The following PKP4 variants were observed in gnomAD, a reference collection of about 807,000 sequenced individuals.
The protein encoded by PKP4 is plakophilin-4.
A neutral mutation model predicts 145.1 loss-of-function variants in PKP4; 90 were observed. The ratio of observed to expected loss-of-function variants is 0.62; its 90% CI spans 0.52 to 0.74. The LOEUF is 0.74. PKP4 is among the 30% of genes least tolerant of loss of function. The probability of loss-of-function intolerance (pLI) is 0.00; values close to 1 mark genes in which losing one functional copy is unlikely to be tolerated. For synonymous variants in PKP4, 563 were observed against 577.2 expected (o/e 0.98, Z 0.35); for missense variants, 1,340 against 1,482.7 (o/e 0.90, Z 1.58).
intron 9 of PKP4, among the ~76,000 whole-genome samples, chr2:158,638,219 A>G (rs1233806117): frequency 6.6e-6 from 1 of 152,224 alleles, no homozygotes; most frequent in African/African-American, 2.4e-5. Flanking sequence ...GAATTCATCT[A>G]TTTAGAATAG....
intron 1 of PKP4, among the ~76,000 whole-genome samples, chr2:158,525,698 G>A (rs1215288017): frequency 7.0e-6 from 1 of 143,138 alleles, no homozygotes; most frequent in African/African-American, 2.6e-5. Context: ...TCCAGGAGCT[G>A]GTTTTTTGAA....
At chr2:158,644,936 C>T (rs994109249) in intron 11 of PKP4, among the ~76,000 whole-genome samples, 4 of 152,104 alleles carry the variant, frequency 2.6e-5, no homozygotes, top group Non-Finnish European at 5.9e-5. Context: ...AACAACATTT[C>T]TTCAAAATTA....
intron 2 of PKP4, among the ~76,000 whole-genome samples, chr2:158,564,808 C>G (rs987657130): frequency 2.0e-5 from 3 of 152,176 alleles, no homozygotes; most frequent in Non-Finnish European, 4.4e-5. Context: ...CTCTACTTAA[C>G]AACAGCAGTA....
At chr2:158,640,049 G>C (rs1413164281) in intron 9 of PKP4, among the ~76,000 whole-genome samples, 1 of 152,140 alleles carries the variant, frequency 6.6e-6, no homozygotes, top group Non-Finnish European at 1.5e-5. Flanking sequence ...CACATATATA[G>C]AAAAACAGGA....
intron 1 of PKP4, among the ~76,000 whole-genome samples, chr2:158,485,478 T>C (rs570281887): frequency 7.2e-5 from 11 of 152,354 alleles, no homozygotes; most frequent in Admixed American, 2.6e-4. Context: ...CTGTTCATAA[T>C]TTCATATTTG....
chr2:158,585,102 A>T (rs1272861018), intron 3 of PKP4, among the ~76,000 whole-genome samples: 2 of 152,148 alleles, frequency 1.3e-5, no homozygotes, highest in African/African-American at 2.4e-5. Flanking sequence ...TTAGATTTTC[A>T]TTTTCGCTTT....
At chr2:158,509,084 C>G (rs148627732) in intron 1 of PKP4, among the ~76,000 whole-genome samples, 110 of 152,064 alleles carry the variant, frequency 7.2e-4, no homozygotes, top group African/African-American at 2.5e-3. Flanking sequence ...CCCACCCCCA[C>G]CAAAAATTAA....
At chr2:158,611,421 A>T (rs1373448264) in intron 4 of PKP4, among the ~76,000 whole-genome samples, 1 of 152,246 alleles carries the variant, frequency 6.6e-6, no homozygotes, top group East Asian at 1.9e-4. Flanking sequence ...ATGTATAGAT[A>T]CAAGTTTCTT....
intron 1 of PKP4, among the ~76,000 whole-genome samples, chr2:158,506,584 G>T (rs1185529296): frequency 4.9e-4 from 75 of 152,172 alleles, no homozygotes; most frequent in Admixed American, 4.9e-3. Flanking sequence ...TGGTACAAGG[G>T]CTTCTTTGGT....
chr2:158,544,435 A>T (rs534622172), intron 2 of PKP4, among the ~76,000 whole-genome samples: 2 of 152,298 alleles, frequency 1.3e-5, no homozygotes, highest in South Asian at 4.1e-4. Flanking sequence ...AAGAAATAAG[A>T]ATTAGAGTAA....
At position 158,634,143 on chromosome 2, in the gene PKP4, G is replaced by C; in HGVS notation, c.1416G>C (p.Leu472=). ...CATACCAAAGAAATAATTATGCTCT[G>C]AACACAACAGCTACCTACGCGGAGC... The part of the protein sequence containing the change: ...TLTYQRNNYA[L]NTTATYAEPY... Residue 472 remains leucine (L), a synonymous_variant, in exon 9 of 22, where the codon CTG becomes CTC. Transcript: ENST00000389759. 1 of 1,614,034 alleles carries C rather than the reference G, an allele frequency of 6.2e-7. No homozygotes were observed. Among genetic ancestry groups the C allele is most frequent in the African/African-American group, 1.3e-5 (1 of 75,016 alleles).
intron 7 of PKP4, among the ~76,000 whole-genome samples, chr2:158,626,945 T>C (rs1051253558): frequency 3.9e-5 from 6 of 152,198 alleles, no homozygotes; most frequent in Admixed American, 6.5e-5. Flanking sequence ...TTGGTTTTAA[T>C]TTACAAAACT....
intron 1 of PKP4, among the ~76,000 whole-genome samples, chr2:158,459,220 G>T (rs1490055727): frequency 1.3e-5 from 2 of 152,222 alleles, no homozygotes; most frequent in Non-Finnish European, 2.9e-5. Flanking sequence ...ATGAAAACGA[G>T]AACAACTAAT....
At chr2:158,638,234 T>C (rs2053977634) in intron 9 of PKP4, among the ~76,000 whole-genome samples, 1 of 152,194 alleles carries the variant, frequency 6.6e-6, no homozygotes, top group African/African-American at 2.4e-5. Flanking sequence ...GAATAGCTCA[T>C]TTTTTAGGGA....
intron 20 of PKP4, among the ~76,000 whole-genome samples, chr2:158,678,376 C>CTATT (rs2058199028): frequency 6.6e-6 from 1 of 152,076 alleles, no homozygotes; most frequent in African/African-American, 2.4e-5. Flanking sequence ...CATAGTTTTG[C>CTATT]CATTAGCCCC....
At chr2:158,665,575 A>G (rs1435654410) in intron 15 of PKP4, among the ~76,000 whole-genome samples, 1 of 152,190 alleles carries the variant, frequency 6.6e-6, no homozygotes, top group Non-Finnish European at 1.5e-5. Context: ...CAATTACCCT[A>G]AAATTTGAAA....
intron 2 of PKP4, among the ~76,000 whole-genome samples, chr2:158,565,382 T>TC (rs1392973969): frequency 3.3e-5 from 5 of 151,930 alleles, no homozygotes; most frequent in Admixed American, 3.3e-4. Context: ...AATAAATTAG[T>TC]CTGAACAACG....
At chr2:158,660,881 C>T (rs1255860819) in intron 12 of PKP4, 1 of 154,160 alleles carries the variant, frequency 6.5e-6, no homozygotes, top group Non-Finnish European at 1.4e-5. Flanking sequence ...TCTGGCCTAA[C>T]AAGGGAGGTG....
chr2:158,574,783 G>C (rs1372830038), intron 2 of PKP4, among the ~76,000 whole-genome samples: 1 of 152,192 alleles, frequency 6.6e-6, no homozygotes, highest in Non-Finnish European at 1.5e-5. Flanking sequence ...TTTGATAAAA[G>C]TAGCCAGTGA....
Sources: allele counts gnomAD v4.1 joint callset (sites outside exome capture counted in the v4.1 genomes callset), GRCh38; gene constraint gnomAD v4.1.1; transcripts MANE v1.5; gene names NCBI Gene and HGNC (gene_info 2026-07-23, HGNC 2026-07-21).